TPST2: variants seen among roughly 807,000 people sequenced by gnomAD.
The protein encoded by TPST2 is protein-tyrosine sulfotransferase 2.
A neutral mutation model predicts 27.8 loss-of-function variants in TPST2; 16 were observed. The observed-to-expected ratio is 0.58, with a 90% confidence interval of 0.39 to 0.88. The LOEUF (loss-of-function observed/expected upper bound fraction) is 0.88, where lower values mean the gene tolerates loss of function less well. TPST2 is among the 40% of genes least tolerant of loss of function. The probability of loss-of-function intolerance (pLI) is 0.00; values close to 1 mark genes in which losing one functional copy is unlikely to be tolerated. For missense variants in TPST2, 464 were observed against 543.1 expected, an observed-to-expected ratio of 0.85 and a Z score of 1.45; for synonymous variants, 229 against 231.7, an observed-to-expected ratio of 0.99 and a Z score of 0.10.
intron 1 of TPST2, among the ~76,000 whole-genome samples, chr22:26,552,279 G>A (rs1926524265): frequency 6.6e-6 from 1 of 152,142 alleles, no homozygotes; most frequent in South Asian, 2.1e-4. Context: ...TGGGATCAGG[G>A]GTGACTTCTT....
chr22:26,530,124 C>T (rs1033946669), intron 5 of TPST2, among the ~76,000 whole-genome samples: 2 of 152,132 alleles, frequency 1.3e-5, no homozygotes, highest in African/African-American at 4.8e-5. Context: ...ACGTTGCCTT[C>T]GTTTTTGTTG....
Position 26,541,806 on chromosome 22 carries a change from G to A in TPST2, c.-88-88C>T. The A allele has an allele frequency of 1.6e-6, 2 of 1,263,260 alleles. No individual in the cohort carries two copies. Among genetic ancestry groups the A allele is most frequent in the Non-Finnish European group, 2.1e-6 (2 of 952,554 alleles). 78.3% of individuals were successfully genotyped at this position (1,263,260 alleles called of 1,614,324 possible). The stretch of plus-strand genomic sequence containing the variant: ...TGCAAAGCCCTATAACTGCAAACAA[G>A]AGGCTGCTGACATGAATGCAGAGGG... On this transcript the variant is annotated intron_variant, in intron 2 of 6. Transcript: ENST00000338754. This position sits in a 1 kb window ranked among gnomAD's most constrained non-coding sequence, Gnocchi z 5.9.
intron 1 of TPST2, among the ~76,000 whole-genome samples, chr22:26,558,042 G>C (rs1035616937): frequency 6.8e-6 from 1 of 147,400 alleles, no homozygotes; most frequent in South Asian, 2.1e-4. Context: ...GGGAGACTCC[G>C]TCTCAAAAAA....
At chr22:26,567,563 G>A (rs557097987) in intron 1 of TPST2, among the ~76,000 whole-genome samples, 1 of 152,334 alleles carries the variant, frequency 6.6e-6, no homozygotes, top group South Asian at 2.1e-4. Flanking sequence ...TCACACATGT[G>A]AAGCTTGTCC....
chr22:26,535,969 G>A (rs1925433384), intron 4 of TPST2: 7 of 437,556 alleles, frequency 1.6e-5, no homozygotes, highest in Non-Finnish European at 3.1e-5. Flanking sequence ...CTTACAAACA[G>A]ATAAACAAAT....
chr22:26,555,648 C>T (rs1178268639), intron 1 of TPST2, among the ~76,000 whole-genome samples: 1 of 152,240 alleles, frequency 6.6e-6, no homozygotes, highest in Admixed American at 6.5e-5. Flanking sequence ...AGCCGGCAGA[C>T]AATCAACCCA....
intron 1 of TPST2, among the ~76,000 whole-genome samples, chr22:26,573,752 A>G (rs1602299459): frequency 6.6e-6 from 1 of 152,214 alleles, no homozygotes; most frequent in East Asian, 1.9e-4. Context: ...TGGGCATATT[A>G]TTAGGGGCAG....
chr22:26,542,477 C>T (rs1357897317), intron 2 of TPST2, among the ~76,000 whole-genome samples: 1 of 152,104 alleles, frequency 6.6e-6, no homozygotes, highest in African/African-American at 2.4e-5. Context: ...CCATCTGGCC[C>T]AAGAATATTA....
At chr22:26,554,207 G>A (rs997561415) in intron 1 of TPST2, among the ~76,000 whole-genome samples, 5 of 151,954 alleles carry the variant, frequency 3.3e-5, no homozygotes, top group African/African-American at 9.7e-5. Flanking sequence ...TCCAAATCTC[G>A]ACCCCACCCC....
In TPST2 at chr22:26,536,332, T is replaced by C. The variant is rs1925462871; in HGVS notation, c.997A>G (p.Asn333Asp). The C allele has an allele frequency of 1.9e-6, 3 of 1,613,860 alleles. No individual in the cohort carries two copies. The highest frequency in any genetic ancestry group is 2.5e-6 in the Non-Finnish European group (3 of 1,179,912). ...ACGAAGGGGTCAGGGTTGCCATAGT[T>C]GGGGGGGTTTGCATAAGGGTCATAG... Reference protein sequence around the residue: ...LGYDPYANPPNYGNPDPFVIN... With the variant: ...LGYDPYANPPDYGNPDPFVIN... Residue 333 changes from asparagine (N) to aspartate (D), a missense_variant, in exon 4 of 7, where the codon AAC becomes GAC. Asn to Asp is a conservative substitution (Grantham distance 23). Coordinates refer to ENST00000338754, the MANE Select transcript of TPST2 (RefSeq NM_003595.5).
rs1481280046 is a variant in TPST2 at position 26,577,097 on chromosome 22, A to T, written c.-161+12956T>A. Reference sequence around the variant, plus strand: ...GGCGACAGAACGAGACTCTGTTGCAAAAAAAAAAAAAAAAAAGAAAATTAA... The same window carrying T: ...GGCGACAGAACGAGACTCTGTTGCATAAAAAAAAAAAAAAAAGAAAATTAA... On this transcript the variant is annotated intron_variant, in intron 1 of 6. Transcript: ENST00000338754. Among the ~76,000 whole-genome samples the T allele has an allele frequency of 4.0e-3, 560 of 138,850 alleles. 4 individuals carry two copies. Among genetic ancestry groups the T allele is most frequent in the Middle Eastern group, 0.018 (5 of 278 alleles). The allele number at this position is 138,850 out of a possible 152,430, so 91.1% of individuals were successfully genotyped here. A position where few individuals can be genotyped will look rare whatever the true frequency, so the allele number is the denominator to read the frequency against.
intron 1 of TPST2, among the ~76,000 whole-genome samples, chr22:26,589,296 T>G (rs571076243): frequency 9.2e-5 from 14 of 152,186 alleles, no homozygotes; most frequent in African/African-American, 3.1e-4. Context: ...TGAGTGGGAA[T>G]GCCAGACCTC....
At chr22:26,576,507 T>A (rs1480643096) in intron 1 of TPST2, among the ~76,000 whole-genome samples, 1 of 151,916 alleles carries the variant, frequency 6.6e-6, no homozygotes, top group Admixed American at 6.6e-5. Context: ...TTTTAACACG[T>A]GCAGAAGTTA....
chr22:26,557,528 G>A (rs1333323311), intron 1 of TPST2, among the ~76,000 whole-genome samples: 2 of 152,186 alleles, frequency 1.3e-5, no homozygotes, highest in Non-Finnish European at 2.9e-5. Flanking sequence ...CAGCAGTGGT[G>A]AGCAGGAAAA....
chr22:26,544,053 C>T (rs186187374), intron 2 of TPST2, among the ~76,000 whole-genome samples: 1 of 152,344 alleles, frequency 6.6e-6, no homozygotes, highest in East Asian at 1.9e-4. Context: ...GTGAGGGCTT[C>T]TAACTTGGAG....
chr22:26,586,055 A>G (rs1460472289), intron 1 of TPST2, among the ~76,000 whole-genome samples: 1 of 151,922 alleles, frequency 6.6e-6, no homozygotes, highest in Non-Finnish European at 1.5e-5. Context: ...AAATAATAAT[A>G]ATAATAATCA....
chr22:26,522,394 C>G lies in TPST2; in HGVS notation c.*3881G>C, dbSNP rs537953540. The G allele has an allele frequency of 6.6e-6, 1 of 152,280 alleles. No individual in the cohort carries two copies. Among genetic ancestry groups the G allele is most frequent in the African/African-American group, 2.4e-5 (1 of 41,546 alleles). The allele number at this position is 152,280 out of a possible 1,614,324, so 9.4% of individuals were successfully genotyped here. ...ATCAGAATGAATGATGCATGCTGCCCAAGCTGGACAGAGGATGGGCCAGGG... is the reference window on the plus strand; with the variant it reads ...ATCAGAATGAATGATGCATGCTGCCGAAGCTGGACAGAGGATGGGCCAGGG... On this transcript the variant is annotated 3_prime_UTR_variant, in exon 7 of 7. Coordinates refer to ENST00000338754, the MANE Select transcript of TPST2 (RefSeq NM_003595.5).
chr22:26,527,277 T>C (rs1328359795), intron 6 of TPST2, among the ~76,000 whole-genome samples: 1 of 152,238 alleles, frequency 6.6e-6, no homozygotes, highest in Non-Finnish European at 1.5e-5. Flanking sequence ...TGAGGTTTCC[T>C]TTAACCTGAT....
intron 6 of TPST2, among the ~76,000 whole-genome samples, chr22:26,527,979 A>G (rs963916783): frequency 6.6e-6 from 1 of 152,182 alleles, no homozygotes; most frequent in Admixed American, 6.5e-5. Context: ...TGGTTGGTTC[A>G]GCGTTAATCC....
Sources: gnomAD v4.1 joint callset for allele counts (sites outside exome capture counted in the v4.1 genomes callset) on GRCh38, gnomAD v4.1.1 for gene constraint, Gnocchi (gnomAD v3.1) non-coding constraint, MANE v1.5 for transcripts, NCBI Gene and HGNC (gene_info 2026-07-23, HGNC 2026-07-21) for gene names.